The following POLR2B variants were observed in gnomAD, a reference collection of about 807,000 sequenced individuals.
POLR2B encodes the protein RNA polymerase II subunit B.
In POLR2B, 57 loss-of-function variants were observed where a neutral mutation model predicts 144.6. The ratio of observed to expected loss-of-function variants is 0.39; its 90% CI spans 0.32 to 0.49. The LOEUF (loss-of-function observed/expected upper bound fraction) is 0.49. Among genes scored for constraint, POLR2B ranks in the 20% least tolerant of loss-of-function variants. The pLI is 0.83. For missense variants in POLR2B, 595 were observed against 1,467.4 expected, an observed-to-expected ratio of 0.41 and a Z score of 9.71; for synonymous variants, 442 against 469.8, an observed-to-expected ratio of 0.94 and a Z score of 0.77.
intron 3 of POLR2B, 37 bp downstream of exon 3, chr4:56,990,935 C>G (rs370141611): frequency 5.8e-6 from 9 of 1,544,516 alleles, no homozygotes; most frequent in Non-Finnish European, 7.9e-6. Context: ...GTACAAGAAG[C>G]GTATTGGTTT....
rs1722797702 is a variant in POLR2B, at chr4:56,999,710, G to C, written c.829G>C (p.Gly277Arg). Reference protein sequence around the residue: ...VPIIIVFRALGFVSDRDILEH... With the variant: ...VPIIIVFRALRFVSDRDILEH... ...CATCATTATTGTGTTCAGAGCATTA[G>C]GTTTTGTGTCCGACAGAGATATTTT... Residue 277 changes from glycine (G) to arginine (R), a missense_variant, in exon 7 of 25, where the codon GGT becomes CGT. Gly to Arg is a moderately radical substitution (Grantham distance 125). Around this residue, in one of 9 missense-constraint regions of POLR2B, gnomAD observed 251 missense variants for 567.3 expected, o/e 0.44. Transcript: ENST00000314595. 6.2e-7 allele frequency: 1 copy of C among 1,610,440 alleles called. No homozygotes were observed. The highest frequency in any genetic ancestry group is 8.5e-7 in the Non-Finnish European group (1 of 1,176,954).
intron 3 of POLR2B, among the ~76,000 whole-genome samples, chr4:56,992,267 A>G (rs1001673889): frequency 5.3e-5 from 8 of 151,722 alleles, no homozygotes; most frequent in African/African-American, 1.9e-4. Flanking sequence ...GTTTGAGACC[A>G]GCCTGGCCAA....
At chr4:57,010,241 A>C in intron 10 of POLR2B, 120 bp from the exon 11 acceptor site, 2 of 876,042 alleles carry the variant, frequency 2.3e-6, no homozygotes, top group Non-Finnish European at 3.5e-6. Context: ...GGGAAAGAAT[A>C]GAGAAATGGG....
intron 16 of POLR2B, among the ~76,000 whole-genome samples, chr4:57,020,368 G>A (rs1477076431): frequency 1.3e-5 from 2 of 152,106 alleles, no homozygotes; most frequent in Non-Finnish European, 2.9e-5. Flanking sequence ...ATCAAACAAA[G>A]TGTTTTGGCA....
chr4:56,987,040 T>A (rs568920979), intron 2 of POLR2B, among the ~76,000 whole-genome samples: 3 of 152,208 alleles, frequency 2.0e-5, no homozygotes, highest in African/African-American at 7.2e-5. Context: ...TTCTTTTTTT[T>A]ACCTTGACAT....
chr4:57,010,702 A>G (rs1228595660), intron 11 of POLR2B, 46 bp from the exon 12 acceptor site: 1 of 1,509,162 alleles, frequency 6.6e-7, no homozygotes, highest in Non-Finnish European at 8.9e-7. Context: ...AAGAAGTTTG[A>G]TAGGCATGTA....
At chr4:57,005,163 A>G (rs1245137577) in intron 7 of POLR2B, 83 bp from the exon 8 acceptor site, 1 of 714,860 alleles carries the variant, frequency 1.4e-6, no homozygotes, top group Non-Finnish European at 2.2e-6. Context: ...GGTACTTGGC[A>G]TGTTATAAAC....
rs1553910012 is a variant in POLR2B at position 56,996,263 on chromosome 4, T to TATAC, written c.735+857_735+858insCATA. On this transcript the variant is annotated intron_variant, in intron 6 of 24. Coordinates refer to ENST00000314595, the MANE Select transcript of POLR2B (RefSeq NM_000938.3). ...GTATGTATATGTGTGTGTGTGTGTGTATATATATATATATATTTTTTTTTT... is the reference window on the plus strand; with the variant it reads ...GTATGTATATGTGTGTGTGTGTGTGTATACATATATATATATATATTTTTTTTTT... Among the ~76,000 whole-genome samples the TATAC allele has an allele frequency of 6.5e-3, 566 of 86,456 alleles. 12 individuals carry two copies. Among genetic ancestry groups the TATAC allele is most frequent in the African/African-American group, 0.029 (530 of 18,266 alleles). 56.7% of individuals were successfully genotyped at this position (86,456 alleles called of 152,430 possible).
rs948889000 is a variant in POLR2B, at chr4:56,984,665, C to G, written c.20-1689C>G. On this transcript the variant is annotated intron_variant, in intron 1 of 24. Coordinates refer to ENST00000314595, the MANE Select transcript of POLR2B (RefSeq NM_000938.3). ...AGCTTTGTCTTTCTTACCCTTCCCT[C>G]AGGTGTAGGGATTAATAATTCCAGT... is the stretch of plus-strand genomic sequence containing the variant. Among the ~76,000 whole-genome samples, 8 of 152,232 alleles carry G rather than the reference C, an allele frequency of 5.3e-5. No individual in the cohort carries two copies. In the South Asian group the frequency reaches 6.2e-4, roughly 12 times the overall value.
At chr4:57,004,175 C>T (rs1339176293) in intron 7 of POLR2B, among the ~76,000 whole-genome samples, 1 of 151,584 alleles carries the variant, frequency 6.6e-6, no homozygotes, top group East Asian at 2.0e-4. Context: ...TGCAGGCACA[C>T]GCAACCATGC....
chr4:56,993,206 G>A (rs1722575611), intron 3 of POLR2B, among the ~76,000 whole-genome samples: 1 of 152,090 alleles, frequency 6.6e-6, no homozygotes, highest in South Asian at 2.1e-4. Flanking sequence ...GGGAGGCTGA[G>A]GCAGGAGAAT....
Position 57,017,501 on chromosome 4 carries a change from G to C in POLR2B, c.2155-59G>C. On this transcript the variant is annotated intron_variant, in intron 15 of 24. Transcript: ENST00000314595. This position sits in a 1 kb window ranked among gnomAD's most constrained non-coding sequence, Gnocchi z 4.8. Reference sequence around the variant, plus strand: ...ATATTTCTTTTGATTTATTGTCAGAGTCTTTTCCATTAGTGATAGTAACTT... The same window carrying C: ...ATATTTCTTTTGATTTATTGTCAGACTCTTTTCCATTAGTGATAGTAACTT... The C allele has an allele frequency of 7.5e-7, 1 of 1,340,440 alleles. No homozygotes were observed. The highest frequency in any genetic ancestry group is 1.0e-6 in the Non-Finnish European group (1 of 975,386). The allele number at this position is 1,340,440 out of a possible 1,614,324, so 83.0% of individuals were successfully genotyped here. A position where few individuals can be genotyped will look rare whatever the true frequency, so the allele number is the denominator to read the frequency against.
At position 56,986,558 on chromosome 4, in the gene POLR2B, A is replaced by G. The variant is rs1283757404; in HGVS notation, c.92+132A>G. The G allele has an allele frequency of 2.3e-5, 12 of 530,448 alleles. No individual in the cohort carries two copies. The East Asian group carries it at 3.5e-4, about 15-fold the overall frequency. The allele number at this position is 530,448 out of a possible 1,614,324, so 32.9% of individuals were successfully genotyped here. ...ATTTTATTTATATATTTAACATTTT[A>G]AGTATTTCAGATCTAAAAGTTACAC... is the stretch of plus-strand genomic sequence containing the variant. On this transcript the variant is annotated intron_variant, in intron 2 of 24. Coordinates refer to ENST00000314595, the MANE Select transcript of POLR2B (RefSeq NM_000938.3).
intron 2 of POLR2B, among the ~76,000 whole-genome samples, chr4:56,986,960 A>G (rs531724522): frequency 2.2e-4 from 34 of 152,330 alleles, no homozygotes; most frequent in South Asian, 4.1e-4. Flanking sequence ...CTAGGATCAC[A>G]TATTGCATTT....
chr4:57,022,331 C>A, intron 18 of POLR2B, 85 bp downstream of exon 18: 1 of 779,516 alleles, frequency 1.3e-6, no homozygotes. Flanking sequence ...TTGTGTCACC[C>A]TGTGCCTGCC....
At chr4:57,026,144 A>G (rs1723711172) in intron 23 of POLR2B, among the ~76,000 whole-genome samples, 1 of 152,058 alleles carries the variant, frequency 6.6e-6, no homozygotes, top group African/African-American at 2.4e-5. Flanking sequence ...AGGCTGAGGC[A>G]TGAGAATCAC....
In POLR2B at chr4:57,017,795, G is replaced by A; in HGVS notation, c.2323+67G>A. On this transcript the variant is annotated intron_variant, in intron 16 of 24. Coordinates refer to ENST00000314595, the MANE Select transcript of POLR2B (RefSeq NM_000938.3). The surrounding 1 kb of genome is among the most constrained non-coding windows in gnomAD (Gnocchi z 4.8). ...GCTTAAGGCACTTTTCTGGGTGCTT[G>A]GGAGGATTAAAAAATAAATATGACA... is the stretch of plus-strand genomic sequence containing the variant. The A allele has an allele frequency of 8.8e-7, 1 of 1,138,756 alleles. No individual in the cohort carries two copies. The highest frequency in any genetic ancestry group is 1.3e-6 in the Non-Finnish European group (1 of 795,710). The allele number at this position is 1,138,756 out of a possible 1,614,324, so 70.5% of individuals were successfully genotyped here. A position where few individuals can be genotyped will look rare whatever the true frequency, so the allele number is the denominator to read the frequency against.
chr4:57,023,499 T>C lies in POLR2B; in HGVS notation c.2685T>C (p.Phe895=). 6.2e-7 allele frequency: 1 copy of C among 1,613,912 alleles called. No homozygotes were observed. Among genetic ancestry groups the C allele is most frequent in the Non-Finnish European group, 8.5e-7 (1 of 1,179,790 alleles). ...RRYTKRDCST[F]LRTSETGIVD... ...ATACCAAGAGAGACTGTAGCACTTT[T>C]CTCAGAACTAGCGAGACGGGCATTG... The change falls in exon 19 of 25, where the codon TTT becomes TTC. Residue 895 remains phenylalanine (F), a synonymous_variant. Coordinates refer to ENST00000314595, the MANE Select transcript of POLR2B (RefSeq NM_000938.3). This position sits in a 1 kb window ranked among gnomAD's most constrained non-coding sequence, Gnocchi z 4.3.
chr4:57,012,424 A>G (rs1433449432), intron 13 of POLR2B, among the ~76,000 whole-genome samples: 1 of 152,160 alleles, frequency 6.6e-6, no homozygotes, highest in East Asian at 1.9e-4. Context: ...ATTAAAAAAA[A>G]AAAAAATCAT....
Sources: gnomAD v4.1 joint callset for allele counts (sites outside exome capture counted in the v4.1 genomes callset) on GRCh38, gnomAD v4.1.1 for gene constraint, gnomAD v4.1.1 regional missense constraint, Gnocchi (gnomAD v3.1) non-coding constraint, MANE v1.5 for transcripts, NCBI Gene and HGNC (gene_info 2026-07-23, HGNC 2026-07-21) for gene names.